Variants in TMC8 observed in about 807,000 individuals in gnomAD.
The protein encoded by TMC8 is transmembrane channel-like protein 8.
A neutral mutation model predicts 76.0 loss-of-function variants in TMC8; 71 were observed. The observed-to-expected ratio is 0.93, with a 90% CI of 0.77 to 1.14. TMC8 has a LOEUF of 1.14. Among genes scored for constraint, TMC8 ranks in the 50% most tolerant of loss-of-function variants. The pLI, the probability that TMC8 is intolerant of heterozygous loss-of-function variation, is 0.00. For synonymous variants in TMC8, 433 were observed against 433.8 expected (o/e 1.00, Z 0.02); for missense variants, 924 against 947.9 (o/e 0.97, Z 0.33).
At chr17:78,137,531 A>G (rs554372674) in intron 10 of TMC8, 173 bp downstream of exon 10, 2 of 1,248,716 alleles carry the variant, frequency 1.6e-6, no homozygotes, top group South Asian at 2.4e-5. Flanking sequence ...CACATGGTGT[A>G]GTGTGGCTGC....
chr17:78,134,692 A>G (rs2145666547), intron 8 of TMC8, 128 bp downstream of exon 8: 1 of 1,509,422 alleles, frequency 6.6e-7, no homozygotes, highest in Admixed American at 1.9e-5. Context: ...GGTCACGGCC[A>G]AGGCAGGCGG....
At chr17:78,140,634 T>G (rs61740060) in intron 15 of TMC8, among the ~76,000 whole-genome samples, 200 bp from the exon 16 acceptor site, 3 of 150,600 alleles carry the variant, frequency 2.0e-5, no homozygotes, top group Non-Finnish European at 4.4e-5. Flanking sequence ...GGTCTAGGGC[T>G]GCATCGGGGC....
At position 78,133,447 on chromosome 17, in the gene TMC8, G is replaced by GGGGC. The variant is rs776438317; in HGVS notation, c.574_577dup (p.Pro193ArgfsTer75). The stretch of plus-strand genomic sequence containing the variant: ...ATCTCTTCTACGGTGCGTACCGAGT[G>GGGGC]GGGCCGGAGAGCAGCTCCGTGTACA... On this transcript the variant is annotated frameshift_variant, in exon 6 of 16. Transcript: ENST00000318430. LOFTEE classifies it high-confidence loss of function. 6.2e-7 allele frequency: 1 copy of GGGGC among 1,613,782 alleles called. No individual in the cohort carries two copies. Among genetic ancestry groups the GGGGC allele is most frequent in the East Asian group, 2.2e-5 (1 of 44,886 alleles).
rs1217513833 is a variant in TMC8 at position 78,133,921 on chromosome 17, T to G, written c.737T>G (p.Val246Gly). Residue 246 changes from valine (V) to glycine (G), a missense_variant, in exon 7 of 16, where the codon GTC becomes GGC. By Grantham distance (109) the Val-to-Gly change is moderately radical. Transcript: ENST00000318430. ...TATCAGGCGCCTCTCAGCGCCAAGGTCTTCTCCTCATGGGACTTCTGCATC... is the reference window on the plus strand; with the variant it reads ...TATCAGGCGCCTCTCAGCGCCAAGGGCTTCTCCTCATGGGACTTCTGCATC... The part of the protein sequence containing the change: ...QGYQAPLSAK[V>G]FSSWDFCIRV... The G allele has an allele frequency of 1.2e-6, 2 of 1,613,576 alleles. No individual in the cohort carries two copies. Among genetic ancestry groups the G allele is most frequent in the Non-Finnish European group, 1.7e-6 (2 of 1,180,042 alleles).
chr17:78,134,966 G>T lies in TMC8; in HGVS notation c.1084G>T (p.Glu362Ter), dbSNP rs121908330. 1.9e-6 allele frequency: 3 copies of T among 1,614,064 alleles called. No individual in the cohort carries two copies. The highest frequency in any genetic ancestry group is 1.7e-6 in the Non-Finnish European group (2 of 1,179,982). Reference sequence around the variant, plus strand: ...GCTGTTCACATTTCTGGTCCAGCTGGAGAACTACCCTCCCAACACGGAGGT... The same window carrying T: ...GCTGTTCACATTTCTGGTCCAGCTGTAGAACTACCCTCCCAACACGGAGGT... The part of the protein sequence containing the change: ...PLLFTFLVQL[E>*]NYPPNTEVNL... Residue 362 changes from glutamate to a stop codon, truncating the protein, a stop_gained, in exon 9 of 16, where the codon GAG becomes TAG. Transcript: ENST00000318430. LOFTEE classifies it high-confidence loss of function.
Position 78,139,069 on chromosome 17 carries a change from G to A in TMC8, c.1824-93G>A, listed in dbSNP as rs115006781. 1.1e-3 allele frequency: 1,754 copies of A among 1,585,528 alleles called. 16 individuals are homozygous for A. In the African/African-American group the frequency reaches 0.02, roughly 18 times the overall value. ...TGCAGTGAGAAGACCCCAGTACCGC[G>A]TATTGTAGAGATTGAGGTGGGGAGA... On this transcript the variant is annotated intron_variant, in intron 14 of 15. Coordinates refer to ENST00000318430, the MANE Select transcript of TMC8 (RefSeq NM_152468.5).
chr17:78,138,237 G>A, intron 12 of TMC8, 49 bp downstream of exon 12: 1 of 1,613,156 alleles, frequency 6.2e-7, no homozygotes, highest in Non-Finnish European at 8.5e-7. Flanking sequence ...CTGGGTGGAT[G>A]CCTTGAGCTG....
intron 1 of TMC8, 102 bp from the exon 2 acceptor site, chr17:78,131,179 G>A (rs766198104): frequency 5.8e-4 from 186 of 321,534 alleles, no homozygotes; most frequent in Non-Finnish European, 3.5e-4. Flanking sequence ...GTGACGGTGG[G>A]CCCAGGCACA....
chr17:78,133,534 T>C lies in TMC8; in HGVS notation c.660T>C (p.Thr220=), dbSNP rs144040084. ...LACLLLCFCG[T]LRRMVKGLPQ... ...GCCTGCTCCTCTGCTTCTGTGGGAC[T>C]CTGCGGCGGTGAGAGCGAGGTCCAC... is the stretch of plus-strand genomic sequence containing the variant. Residue 220 remains threonine (T), a synonymous_variant, in exon 6 of 16, where the codon ACT becomes ACC. Transcript: ENST00000318430. 8.1e-4 allele frequency: 1,301 copies of C among 1,612,292 alleles called. 3 individuals are homozygous for C. The highest frequency in any genetic ancestry group is 1.0e-3 in the Non-Finnish European group (1,178 of 1,179,988).
At position 78,131,451 on chromosome 17, in the gene TMC8, G is replaced by C; in HGVS notation, c.-138G>C. On this transcript the variant is annotated 5_prime_UTR_variant, in exon 2 of 16. Transcript: ENST00000318430. ...CAGGAGCCCAGGCCCCGACGCCGGC[G>C]CAGAGGGGACGGAAGGGCCCGCCCC... The C allele has an allele frequency of 7.9e-7, 1 of 1,269,198 alleles. No individual in the cohort carries two copies. Among genetic ancestry groups the C allele is most frequent in the Non-Finnish European group, 1.1e-6 (1 of 910,010 alleles). 78.6% of individuals were successfully genotyped at this position (1,269,198 alleles called of 1,614,324 possible).
intron 3 of TMC8, 50 bp downstream of exon 3, chr17:78,132,080 T>C (rs773389346): frequency 6.1e-5 from 94 of 1,534,378 alleles, no homozygotes; most frequent in Non-Finnish European, 7.6e-5. Flanking sequence ...GGAGCCCCAC[T>C]GCCCAGATCG....
chr17:78,139,846 A>C (rs2075330428), intron 15 of TMC8, among the ~76,000 whole-genome samples: 1 of 152,054 alleles, frequency 6.6e-6, no homozygotes, highest in African/African-American at 2.4e-5. Flanking sequence ...CAGCCTGGCC[A>C]ACATAGTGAA....
chr17:78,139,275 CT>C (rs750684942), intron 15 of TMC8, 35 bp downstream of exon 15: 13 of 1,610,378 alleles, frequency 8.1e-6, no homozygotes, highest in Non-Finnish European at 1.0e-5. Context: ...GGGACAGCAG[CT>C]TCAGTGGAAA....
At chr17:78,134,836 C>T in intron 8 of TMC8, 34 bp from the exon 9 acceptor site, 1 of 1,612,248 alleles carries the variant, frequency 6.2e-7, no homozygotes, top group Non-Finnish European at 8.5e-7. Flanking sequence ...GGCCCCCCAG[C>T]ACGCGGGCTC....
intron 15 of TMC8, among the ~76,000 whole-genome samples, chr17:78,140,576 G>A (rs2075348940): frequency 6.6e-6 from 1 of 151,674 alleles, no homozygotes; most frequent in Non-Finnish European, 1.5e-5. Flanking sequence ...GCGGGGACGT[G>A]GAAGGAGTGG....
intron 4 of TMC8, 25 bp downstream of exon 4, chr17:78,132,533 A>C: frequency 6.2e-7 from 1 of 1,601,186 alleles, no homozygotes; most frequent in Non-Finnish European, 8.5e-7. Context: ...CACCAGGGGA[A>C]GTGCTCCGGT....
At position 78,131,729 on chromosome 17, in the gene TMC8, C is replaced by T. The variant is rs201039625; in HGVS notation, c.141C>T (p.Arg47=). 23 of 1,583,902 alleles carry T rather than the reference C, an allele frequency of 1.5e-5. No individual in the cohort carries two copies. The highest frequency in any genetic ancestry group is 3.6e-5 in the Admixed American group (2 of 55,600). ...TGCCCTATGCCATGATGGACAAGCGCCTCATCTGGTGGGTGCCACGCGGGC... is the reference window on the plus strand; with the variant it reads ...TGCCCTATGCCATGATGGACAAGCGTCTCATCTGGTGGGTGCCACGCGGGC... The part of the protein sequence containing the change: ...RGLPYAMMDK[R]LIWQLREPAG... The change falls in exon 2 of 16, where the codon CGC becomes CGT. Residue 47 remains arginine, a synonymous_variant. Coordinates refer to ENST00000318430, the MANE Select transcript of TMC8 (RefSeq NM_152468.5).
At chr17:78,132,756 C>A in intron 4 of TMC8, 32 bp from the exon 5 acceptor site, 1 of 1,609,236 alleles carries the variant, frequency 6.2e-7, no homozygotes, top group South Asian at 1.1e-5. Flanking sequence ...CCTTGGGGAT[C>A]CCTCTCTATT....
At chr17:78,134,773 G>T (rs990847272) in intron 8 of TMC8, 97 bp from the exon 9 acceptor site, 92 of 1,592,044 alleles carry the variant, frequency 5.8e-5, no homozygotes, top group Non-Finnish European at 7.3e-5. Flanking sequence ...CCTATTCTGG[G>T]CCTGCCCCAG....
Sources: gnomAD v4.1 joint callset for allele counts (sites outside exome capture counted in the v4.1 genomes callset) on GRCh38, gnomAD v4.1.1 for gene constraint, MANE v1.5 for transcripts, NCBI Gene and HGNC (gene_info 2026-07-23, HGNC 2026-07-21) for gene names.